The following PI16 variants were observed in gnomAD, a reference collection of about 807,000 sequenced individuals.
PI16 encodes PSP94-binding protein.
Under a neutral mutation model 38.0 loss-of-function variants are expected in PI16, and 35 were observed. That is an observed-to-expected ratio of 0.92 (90% CI 0.70 to 1.22). The LOEUF (loss-of-function observed/expected upper bound fraction) is 1.22. Ranked by LOEUF, PI16 falls within the 50% of genes most tolerant of loss-of-function variation. The pLI is 0.00. For synonymous variants in PI16, 275 were observed against 252.9 expected (o/e 1.09, Z -0.83); for missense variants, 572 against 593.8 (o/e 0.96, Z 0.38).
At chr6:36,961,064 T>G (rs998813419) in intron 2 of PI16, among the ~76,000 whole-genome samples, 23 of 152,202 alleles carry the variant, frequency 1.5e-4, no homozygotes, top group African/African-American at 5.5e-4. Flanking sequence ...TGCTGAGGTC[T>G]AAAATTCTAC....
chr6:36,950,785 C>T (rs529254182), upstream of PI16, among the ~76,000 whole-genome samples: 33 of 152,256 alleles, frequency 2.2e-4, no homozygotes, highest in African/African-American at 7.0e-4. The surrounding 1 kb of genome is among the most constrained non-coding windows in gnomAD (Gnocchi z 4.2). Flanking sequence ...TCAGGTGATC[C>T]GCCCGCCTCG....
At chr6:36,953,085 C>T (rs1431377643), upstream of PI16, among the ~76,000 whole-genome samples, 1 of 152,044 alleles carries the variant, frequency 6.6e-6, no homozygotes, top group Non-Finnish European at 1.5e-5. Flanking sequence ...TTTGGGAGAC[C>T]GAGGCGGGCG....
chr6:36,953,544 G>A (rs1763135999), upstream of PI16, among the ~76,000 whole-genome samples: 1 of 152,082 alleles, frequency 6.6e-6, no homozygotes, highest in Non-Finnish European at 1.5e-5. Context: ...GTATGTGTGT[G>A]TAATCCATCT....
At chr6:36,959,427 T>TC in intron 2 of PI16, 61 bp downstream of exon 2, 1 of 1,469,884 alleles carries the variant, frequency 6.8e-7, no homozygotes, top group Non-Finnish European at 9.0e-7. Flanking sequence ...GGCCACGTGC[T>TC]CCCTGGGCGG....
chr6:36,956,931 G>T (rs966273386), intron 1 of PI16, among the ~76,000 whole-genome samples: 2 of 152,116 alleles, frequency 1.3e-5, no homozygotes, highest in Non-Finnish European at 2.9e-5. Context: ...CACCCCGAAG[G>T]TTCAATTGTC....
In PI16 at chr6:36,962,172, C is replaced by T. The variant is rs1395450827; in HGVS notation, c.592+198C>T. The stretch of plus-strand genomic sequence containing the variant: ...TTGGCGCCCTGTCGTTCCAAGTGGC[C>T]GGATTTCAACCCTTCAAAGGGAGGA... On this transcript the variant is annotated intron_variant, in intron 4 of 6. Coordinates refer to ENST00000373674, the MANE Select transcript of PI16 (RefSeq NM_153370.3). The surrounding 1 kb of genome is among the most constrained non-coding windows in gnomAD (Gnocchi z 4.1). Among the ~76,000 whole-genome samples the T allele has an allele frequency of 6.6e-6, 1 of 152,122 alleles. No homozygotes were observed. The highest frequency in any genetic ancestry group is 1.9e-4 in the East Asian group (1 of 5,170).
chr6:36,956,351 C>T (rs929643440), intron 1 of PI16, among the ~76,000 whole-genome samples: 8 of 152,344 alleles, frequency 5.3e-5, no homozygotes, highest in Admixed American at 3.3e-4. Context: ...CCTGTAGATC[C>T]CTGATGCCCT....
chr6:36,950,596 A>T (rs1724103), upstream of PI16, among the ~76,000 whole-genome samples: 99,079 of 150,874 alleles, frequency 0.66, 33,363 homozygotes, highest in African/African-American at 0.8. This position sits in a 1 kb window ranked among gnomAD's most constrained non-coding sequence, Gnocchi z 4.2. Flanking sequence ...CAGGCTGGAG[A>T]GCAATGGCAC....
chr6:36,949,955 G>A (rs944889139), upstream of PI16, among the ~76,000 whole-genome samples: 1 of 151,626 alleles, frequency 6.6e-6, no homozygotes, highest in Non-Finnish European at 1.5e-5. Context: ...CTCCAGACAC[G>A]ATTTTTCCTT....
intron 1 of PI16, among the ~76,000 whole-genome samples, chr6:36,957,687 G>T (rs1475455893): frequency 6.6e-6 from 1 of 152,204 alleles, no homozygotes; most frequent in Non-Finnish European, 1.5e-5. Context: ...TGATGCTAAT[G>T]GTGGGGCTCC....
At chr6:36,964,357 T>G in intron 6 of PI16, 29 bp from the exon 7 acceptor site, 1 of 161,230 alleles carries the variant, frequency 6.2e-6, no homozygotes, top group Non-Finnish European at 1.4e-5. Flanking sequence ...TCCAGGACTG[T>G]TCCCCAGAAG....
chr6:36,961,353 C>T (rs1763360028), intron 2 of PI16, 98 bp from the exon 3 acceptor site: 15 of 1,036,624 alleles, frequency 1.4e-5, no homozygotes, highest in Non-Finnish European at 2.1e-5. Flanking sequence ...TATAGGGTGC[C>T]TCTTCTCTCC....
chr6:36,959,928 G>A (rs1328654266), intron 2 of PI16, among the ~76,000 whole-genome samples: 2 of 151,818 alleles, frequency 1.3e-5, no homozygotes, highest in Non-Finnish European at 2.9e-5. Flanking sequence ...GGGGACGGTG[G>A]GACATGTTAG....
At position 36,962,821 on chromosome 6, in the gene PI16, T is replaced by G; in HGVS notation, c.593-114T>G. 2 of 842,602 alleles carry G rather than the reference T, an allele frequency of 2.4e-6. No individual in the cohort carries two copies. The highest frequency in any genetic ancestry group is 3.7e-6 in the Non-Finnish European group (2 of 542,052). 52.2% of individuals were successfully genotyped at this position (842,602 alleles called of 1,614,324 possible). The stretch of plus-strand genomic sequence containing the variant: ...GGCATATCAGCTGGAGAAGTGTATG[T>G]GTGTGTTTGTGTGTCCTGGTAGGAC... On this transcript the variant is annotated intron_variant, in intron 4 of 6. Coordinates refer to ENST00000373674, the MANE Select transcript of PI16 (RefSeq NM_153370.3). This position sits in a 1 kb window ranked among gnomAD's most constrained non-coding sequence, Gnocchi z 4.1.
rs1053902790 is a variant in PI16 at position 36,962,031 on chromosome 6, C to T, written c.592+57C>T. 2.1e-6 allele frequency: 3 copies of T among 1,445,720 alleles called. No homozygotes were observed. The highest frequency in any genetic ancestry group is 1.4e-5 in the African/African-American group (1 of 71,514). The allele number at this position is 1,445,720 out of a possible 1,614,324, so 89.6% of individuals were successfully genotyped here. A position where few individuals can be genotyped will look rare whatever the true frequency, so the allele number is the denominator to read the frequency against. On this transcript the variant is annotated intron_variant, in intron 4 of 6. Coordinates refer to ENST00000373674, the MANE Select transcript of PI16 (RefSeq NM_153370.3). This position sits in a 1 kb window ranked among gnomAD's most constrained non-coding sequence, Gnocchi z 4.1. ...GGGTGTGGAAATGATGCGATGCAGACTGGATGGTCTAAGAGCCTCCCTGGA... is the reference window on the plus strand; with the variant it reads ...GGGTGTGGAAATGATGCGATGCAGATTGGATGGTCTAAGAGCCTCCCTGGA...
chr6:36,955,313 G>A (rs1212953130), intron 1 of PI16, among the ~76,000 whole-genome samples: 1 of 152,158 alleles, frequency 6.6e-6, no homozygotes, highest in Non-Finnish European at 1.5e-5. Context: ...GGGGAACCCG[G>A]GAAGTTCTTA....
chr6:36,955,959 T>A (rs1763194055), intron 1 of PI16, among the ~76,000 whole-genome samples: 1 of 152,178 alleles, frequency 6.6e-6, no homozygotes, highest in Non-Finnish European at 1.5e-5. Context: ...CTGGGCAGTG[T>A]TCAGGGACCC....
In PI16 at chr6:36,954,767, G is replaced by A. The variant is rs144930102; in HGVS notation, c.7G>A (p.Gly3Ser). ...GGAGAGACGGCTGGCCACCATGCAC[G>A]GCTCCTGCAGTTTCCTGATGCTTCT... Reference protein sequence around the residue: MHGSCSFLMLLLP... With the variant: MHSSCSFLMLLLP... The change falls in exon 1 of 7, where the codon GGC (glycine) becomes AGC (serine). Residue 3 changes from glycine to serine, a missense_variant. Coordinates refer to ENST00000373674, the MANE Select transcript of PI16 (RefSeq NM_153370.3). 2.9e-5 allele frequency: 47 copies of A among 1,612,110 alleles called. No individual in the cohort carries two copies. Among genetic ancestry groups the A allele is most frequent in the South Asian group, 5.5e-5 (5 of 90,958 alleles).
upstream of PI16, among the ~76,000 whole-genome samples, chr6:36,949,973 G>A (rs759746551): frequency 1.3e-5 from 2 of 151,764 alleles, no homozygotes; most frequent in South Asian, 2.1e-4. Context: ...CTTTGTCACC[G>A]TACTCCTGGC....
Sources: gnomAD v4.1 joint callset for allele counts (sites outside exome capture counted in the v4.1 genomes callset) on GRCh38, gnomAD v4.1.1 for gene constraint, Gnocchi (gnomAD v3.1) non-coding constraint, MANE v1.5 for transcripts, NCBI Gene and HGNC (gene_info 2026-07-23, HGNC 2026-07-21) for gene names.